Variants in SLC23A2 observed in about 807,000 individuals in gnomAD.
SLC23A2 encodes the protein solute carrier family 23 member 2.
Under a neutral mutation model 73.3 loss-of-function variants are expected in SLC23A2, and 36 were observed. The observed-to-expected ratio is 0.49, with a 90% CI of 0.38 to 0.65. SLC23A2 has a LOEUF of 0.65. Among genes scored for constraint, SLC23A2 ranks in the 30% least tolerant of loss-of-function variants. SLC23A2 has a pLI of 0.00. For synonymous variants in SLC23A2, 343 were observed against 327.3 expected (o/e 1.05, Z -0.52); for missense variants, 507 against 841.6 (o/e 0.60, Z 4.92).
rs376084983 is a variant in SLC23A2, at chr20:5,001,084, G to A, written c.-282+322C>T. On this transcript the variant is annotated intron_variant, in intron 1 of 16. Coordinates refer to ENST00000338244, the MANE Select transcript of SLC23A2 (RefSeq NM_005116.6). ...CTGGGGGCGCCCCATTTGCCTCCCC[G>A]CTGCGCGGCCTGAGGGCCCGAGCGC... Among the ~76,000 whole-genome samples, 158 of 152,094 alleles carry A rather than the reference G, an allele frequency of 1.0e-3. 1 individual carries two copies. Among genetic ancestry groups the A allele is most frequent in the African/African-American group, 2.9e-3 (121 of 41,562 alleles).
At chr20:4,981,951 T>C (rs2087733203) in intron 1 of SLC23A2, among the ~76,000 whole-genome samples, 1 of 152,076 alleles carries the variant, frequency 6.6e-6, no homozygotes, top group African/African-American at 2.4e-5. Context: ...TCTGCCCACC[T>C]CGGCCTCCCA....
At chr20:4,986,590 A>G (rs1346686270) in intron 1 of SLC23A2, among the ~76,000 whole-genome samples, 1 of 151,532 alleles carries the variant, frequency 6.6e-6, no homozygotes, top group Non-Finnish European at 1.5e-5. Context: ...CTGGGATTAC[A>G]GGCATGAGTC....
chr20:4,868,047 C>T lies in SLC23A2; in HGVS notation c.1251-172G>A, dbSNP rs1930274722. On this transcript the variant is annotated intron_variant, in intron 12 of 16. Coordinates refer to ENST00000338244, the MANE Select transcript of SLC23A2 (RefSeq NM_005116.6). The surrounding 1 kb of genome is among the most constrained non-coding windows in gnomAD (Gnocchi z 4.4). Reference sequence around the variant, plus strand: ...ATACAATCTCAGACCCCACCCCAGACCTGCTGAAGCAGAAAAGAATCTGCA... The same window carrying T: ...ATACAATCTCAGACCCCACCCCAGATCTGCTGAAGCAGAAAAGAATCTGCA... Among the ~76,000 whole-genome samples, 1 of 150,904 alleles carries T rather than the reference C, an allele frequency of 6.6e-6. No homozygotes were observed. The highest frequency in any genetic ancestry group is 1.5e-5 in the Non-Finnish European group (1 of 67,932).
intron 1 of SLC23A2, among the ~76,000 whole-genome samples, chr20:4,971,703 C>G (rs2087563679): frequency 6.6e-6 from 1 of 151,894 alleles, no homozygotes; most frequent in Non-Finnish European, 1.5e-5. Flanking sequence ...AGGAGGATTC[C>G]TTGAGCCCAG....
At position 4,912,862 on chromosome 20, in the gene SLC23A2, G is replaced by A. The variant is rs892599192; in HGVS notation, c.207+18C>T. 6.6e-7 allele frequency: 1 copy of A among 1,524,228 alleles called. No homozygotes were observed. The highest frequency in any genetic ancestry group is 1.7e-5 in the Admixed American group (1 of 59,884). The allele number at this position is 1,524,228 out of a possible 1,614,324, so 94.4% of individuals were successfully genotyped here. A position where few individuals can be genotyped will look rare whatever the true frequency, so the allele number is the denominator to read the frequency against. ...GGATGGCGGTGGGAGTGGGGACACGGGGTGACGGAAGGGGTACCTTTTCTG... is the reference window on the plus strand; with the variant it reads ...GGATGGCGGTGGGAGTGGGGACACGAGGTGACGGAAGGGGTACCTTTTCTG... On this transcript the variant is annotated intron_variant, in intron 4 of 16. Transcript: ENST00000338244.
At chr20:5,008,562 A>G (rs1325575662) in intron 1 of SLC23A2, among the ~76,000 whole-genome samples, 2 of 151,438 alleles carry the variant, frequency 1.3e-5, no homozygotes, top group African/African-American at 4.9e-5. Flanking sequence ...ATTCTCCCCT[A>G]CTCCCAGCAA....
At chr20:4,974,585 A>G (rs1404606540) in intron 1 of SLC23A2, among the ~76,000 whole-genome samples, 1 of 147,788 alleles carries the variant, frequency 6.8e-6, no homozygotes, top group South Asian at 2.1e-4. Context: ...ACAAGGGCAA[A>G]CTCAAACACT....
At position 4,883,898 on chromosome 20, in the gene SLC23A2, C is replaced by A; in HGVS notation, c.643-75G>T. 2.0e-6 allele frequency: 2 copies of A among 1,023,420 alleles called. No individual in the cohort carries two copies. The highest frequency in any genetic ancestry group is 2.8e-6 in the Non-Finnish European group (2 of 709,708). The allele number at this position is 1,023,420 out of a possible 1,614,324, so 63.4% of individuals were successfully genotyped here. ...ACACTCAGAATGTCACCTACAACCA[C>A]AACTGATAATTCTGCAAGGCAATAA... On this transcript the variant is annotated intron_variant, in intron 8 of 16. Coordinates refer to ENST00000338244, the MANE Select transcript of SLC23A2 (RefSeq NM_005116.6). The surrounding 1 kb of genome is among the most constrained non-coding windows in gnomAD (Gnocchi z 4.5).
intron 6 of SLC23A2, among the ~76,000 whole-genome samples, chr20:4,897,457 C>T (rs1173269415): frequency 6.6e-6 from 1 of 152,230 alleles, no homozygotes; most frequent in Non-Finnish European, 1.5e-5. Context: ...GCAAGAAAGG[C>T]TGCTTTCACC....
intron 1 of SLC23A2, among the ~76,000 whole-genome samples, chr20:4,979,550 A>T (rs1053569836): frequency 6.6e-5 from 10 of 152,018 alleles, no homozygotes; most frequent in Non-Finnish European, 1.3e-4. Flanking sequence ...ACAAAAAAAA[A>T]TGTCTAAATA....
chr20:4,942,169 C>T (rs2087052199), intron 2 of SLC23A2, among the ~76,000 whole-genome samples: 1 of 152,130 alleles, frequency 6.6e-6, no homozygotes, highest in Admixed American at 6.6e-5. Flanking sequence ...CAAATCAATT[C>T]AGTCCTTTCT....
intron 2 of SLC23A2, among the ~76,000 whole-genome samples, chr20:4,956,868 C>G (rs1193142355): frequency 6.9e-6 from 1 of 144,304 alleles, no homozygotes; most frequent in Non-Finnish European, 1.5e-5. Context: ...AGTGCAATGG[C>G]GCGATCTTGG....
At chr20:4,925,959 T>C (rs181804686) in intron 3 of SLC23A2, among the ~76,000 whole-genome samples, 8 of 152,324 alleles carry the variant, frequency 5.3e-5, no homozygotes, top group African/African-American at 1.2e-4. Flanking sequence ...ACACTGATGG[T>C]ATGCTGGCTG....
chr20:4,896,680 CCT>C (rs1931534450), intron 6 of SLC23A2, among the ~76,000 whole-genome samples: 1 of 152,190 alleles, frequency 6.6e-6, no homozygotes, highest in Non-Finnish European at 1.5e-5. Flanking sequence ...ATCCCACACC[CCT>C]GAGGCTTGCC....
upstream of SLC23A2, among the ~76,000 whole-genome samples, chr20:5,005,329 C>T (rs2088179414): frequency 1.3e-5 from 2 of 151,716 alleles, no homozygotes; most frequent in East Asian, 1.9e-4. Context: ...CAAATTTTTC[C>T]TCTTCAGTTG....
chr20:5,010,091 T>A (rs2088233910), intron 1 of SLC23A2: 1 of 133,594 alleles, frequency 7.5e-6, no homozygotes. Context: ...TGAGACTCCG[T>A]CTCAAAAAAA....
rs145230333 is a variant in SLC23A2, at chr20:4,856,799, C to T, written c.*173G>A. ...GGCTTAAATAAGGAGATAGGCGAGA[C>T]ACCGCATCAGGCACCATCACCCTCA... On this transcript the variant is annotated 3_prime_UTR_variant, in exon 17 of 17. Coordinates refer to ENST00000338244, the MANE Select transcript of SLC23A2 (RefSeq NM_005116.6). The surrounding 1 kb of genome is among the most constrained non-coding windows in gnomAD (Gnocchi z 4.6). 1.2e-5 allele frequency: 7 copies of T among 594,290 alleles called. No homozygotes were observed. In the African/African-American group the frequency reaches 1.3e-4, roughly 11 times the overall value. The allele number at this position is 594,290 out of a possible 1,614,324, so 36.8% of individuals were successfully genotyped here.
At chr20:4,901,275 A>G (rs1418881238) in intron 5 of SLC23A2, among the ~76,000 whole-genome samples, 1 of 152,070 alleles carries the variant, frequency 6.6e-6, no homozygotes, top group Non-Finnish European at 1.5e-5. Flanking sequence ...AAACTCAACC[A>G]AAGTACCCAG....
At chr20:4,938,116 G>A (rs2086988710) in intron 2 of SLC23A2, among the ~76,000 whole-genome samples, 1 of 147,530 alleles carries the variant, frequency 6.8e-6, no homozygotes, top group Non-Finnish European at 1.5e-5. Flanking sequence ...CTGCAGCCTT[G>A]ACTTCCCAGG....
Sources: allele counts gnomAD v4.1 joint callset (sites outside exome capture counted in the v4.1 genomes callset), GRCh38; gene constraint gnomAD v4.1.1; non-coding constraint Gnocchi (gnomAD v3.1); transcripts MANE v1.5; gene names NCBI Gene and HGNC (gene_info 2026-07-23, HGNC 2026-07-21).